Variants in DHTKD1 observed in about 807,000 individuals in gnomAD.
The protein encoded by DHTKD1 is dehydrogenase E1 and transketolase domain containing 1.
Under a neutral mutation model 101.8 loss-of-function variants are expected in DHTKD1, and 78 were observed. The observed-to-expected ratio is 0.77, with a 90% CI of 0.64 to 0.93. The LOEUF is 0.93. Ranked by LOEUF, DHTKD1 falls within the 40% of genes least tolerant of loss-of-function variation. The pLI is 0.00. For synonymous variants in DHTKD1, 462 were observed against 450.3 expected, an observed-to-expected ratio of 1.03 and a Z score of -0.33; for missense variants, 1,223 against 1,161.7, an observed-to-expected ratio of 1.05 and a Z score of -0.77.
chr10:12,085,872 C>A (rs1283024022), intron 3 of DHTKD1, among the ~76,000 whole-genome samples: 1 of 152,136 alleles, frequency 6.6e-6, no homozygotes, highest in African/African-American at 2.4e-5. Context: ...GATTGCACCA[C>A]TGTACTCCAG....
chr10:12,119,678 T>C (rs6602562), intron 15 of DHTKD1, among the ~76,000 whole-genome samples: 141,327 of 150,368 alleles, frequency 0.94, 66,958 homozygotes, highest in East Asian at 1. Flanking sequence ...CCGAGGGTCA[T>C]GGGGGAGGAG....
intron 3 of DHTKD1, among the ~76,000 whole-genome samples, chr10:12,086,101 T>G (rs1311054746): frequency 6.6e-6 from 1 of 151,456 alleles, no homozygotes; most frequent in African/African-American, 2.4e-5. Context: ...ATCTCCTGAC[T>G]TCATGATCCA....
intron 5 of DHTKD1, among the ~76,000 whole-genome samples, chr10:12,091,295 C>T (rs545067977): frequency 3.3e-4 from 50 of 149,726 alleles, no homozygotes; most frequent in Middle Eastern, 3.4e-3. Flanking sequence ...GCCTATAATC[C>T]CAGCTACTAG....
chr10:12,118,456 C>T (rs1277779980), intron 14 of DHTKD1, among the ~76,000 whole-genome samples: 4 of 149,736 alleles, frequency 2.7e-5, no homozygotes, highest in Non-Finnish European at 5.9e-5. Flanking sequence ...GATCTTGGCT[C>T]ACTGCAAGCT....
chr10:12,090,913 T>C (rs959483275), intron 5 of DHTKD1, among the ~76,000 whole-genome samples: 2 of 152,048 alleles, frequency 1.3e-5, no homozygotes, highest in African/African-American at 4.8e-5. Context: ...GATCTTAAGA[T>C]TGTGGTGGCG....
chr10:12,073,736 A>G (rs140316388), intron 1 of DHTKD1, among the ~76,000 whole-genome samples: 1 of 152,308 alleles, frequency 6.6e-6, no homozygotes. Context: ...GACTGGAGTA[A>G]TGCGTGCATC....
Position 12,107,054 on chromosome 10 carries a change from G to A in DHTKD1, c.2047+658G>A, listed in dbSNP as rs965141489. ...GGCTGGAGTGCAGTGGTGCGATCTCGGCTCACTGCAAGCTCCGCCTACTGG... is the reference window on the plus strand; with the variant it reads ...GGCTGGAGTGCAGTGGTGCGATCTCAGCTCACTGCAAGCTCCGCCTACTGG... On this transcript the variant is annotated intron_variant, in intron 11 of 16. Transcript: ENST00000263035. This position sits in a 1 kb window ranked among gnomAD's most constrained non-coding sequence, Gnocchi z 4.1. 2.7e-5 allele frequency among the ~76,000 whole-genome samples: 4 copies of A among 150,636 alleles called. No individual in the cohort carries two copies. The highest frequency in any genetic ancestry group is 2.0e-4 in the Admixed American group (3 of 15,014).
Position 12,107,657 on chromosome 10 carries a change from A to C in DHTKD1, c.2048-252A>C, listed in dbSNP as rs1414980851. Among the ~76,000 whole-genome samples the C allele has an allele frequency of 6.6e-6, 1 of 151,806 alleles. No homozygotes were observed. Among genetic ancestry groups the C allele is most frequent in the African/African-American group, 2.4e-5 (1 of 41,302 alleles). On this transcript the variant is annotated intron_variant, in intron 11 of 16. Transcript: ENST00000263035. This position sits in a 1 kb window ranked among gnomAD's most constrained non-coding sequence, Gnocchi z 4.1. ...GGTCTCGAACACCTGACCTCAAGTG[A>C]TCTATCCGCCTCAGCCTCCCAAAGT...
In DHTKD1 at chr10:12,107,568, C is replaced by T. The variant is rs1029625150; in HGVS notation, c.2048-341C>T. Among the ~76,000 whole-genome samples the T allele has an allele frequency of 6.6e-6, 1 of 152,006 alleles. No individual in the cohort carries two copies. Among genetic ancestry groups the T allele is most frequent in the African/African-American group, 2.4e-5 (1 of 41,396 alleles). Reference sequence around the variant, plus strand: ...GAGTAGCTGGGACTACAGACATGTGCCACTACAGCTGGCTAATTTTTGTAT... The same window carrying T: ...GAGTAGCTGGGACTACAGACATGTGTCACTACAGCTGGCTAATTTTTGTAT... On this transcript the variant is annotated intron_variant, in intron 11 of 16. Coordinates refer to ENST00000263035, the MANE Select transcript of DHTKD1 (RefSeq NM_018706.7). The surrounding 1 kb of genome is among the most constrained non-coding windows in gnomAD (Gnocchi z 4.1).
intron 3 of DHTKD1, among the ~76,000 whole-genome samples, chr10:12,085,353 A>G (rs943333692): frequency 1.3e-5 from 2 of 152,188 alleles, no homozygotes; most frequent in African/African-American, 4.8e-5. Flanking sequence ...GAATTGAGCC[A>G]TTAACTCTGA....
At chr10:12,118,385 CTT>C (rs56119960) in intron 14 of DHTKD1, among the ~76,000 whole-genome samples, 6 of 137,498 alleles carry the variant, frequency 4.4e-5, no homozygotes, top group Admixed American at 7.5e-5. Context: ...ACATAATTCT[CTT>C]TTTTTTTTTT....
At chr10:12,117,021 C>T (rs1051993565) in intron 13 of DHTKD1, among the ~76,000 whole-genome samples, 30 of 149,872 alleles carry the variant, frequency 2.0e-4, no homozygotes, top group South Asian at 1.3e-3. Context: ...TGTTTTGTTT[C>T]GGATGAGGTC....
At chr10:12,080,167 G>A (rs1463871513) in intron 1 of DHTKD1, among the ~76,000 whole-genome samples, 2 of 151,420 alleles carry the variant, frequency 1.3e-5, no homozygotes, top group East Asian at 4.0e-4. Context: ...GTGGGCGCCT[G>A]TAGGCGCCTG....
rs1832928565 is a variant in DHTKD1 at position 12,087,825 on chromosome 10, G to A, written c.717+96G>A. 3 of 1,150,896 alleles carry A rather than the reference G, an allele frequency of 2.6e-6. No homozygotes were observed. The highest frequency in any genetic ancestry group is 2.4e-6 in the Non-Finnish European group (2 of 840,108). The allele number at this position is 1,150,896 out of a possible 1,614,324, so 71.3% of individuals were successfully genotyped here. On this transcript the variant is annotated intron_variant, in intron 4 of 16. Coordinates refer to ENST00000263035, the MANE Select transcript of DHTKD1 (RefSeq NM_018706.7). The surrounding 1 kb of genome is among the most constrained non-coding windows in gnomAD (Gnocchi z 5.2). ...ATTCTGGTGATAAATGATGGTGATG[G>A]TGATGGCCGGGCACTGTGGCTCACA...
chr10:12,080,721 AAAG>A (rs1313246391), intron 1 of DHTKD1, among the ~76,000 whole-genome samples: 10 of 151,792 alleles, frequency 6.6e-5, no homozygotes, highest in Non-Finnish European at 1.3e-4. Flanking sequence ...AAAAAAAAAA[AAAG>A]AAAAGAAGAA....
At chr10:12,097,493 C>T (rs922848982) in intron 7 of DHTKD1, among the ~76,000 whole-genome samples, 191 bp from the exon 8 acceptor site, 4 of 152,048 alleles carry the variant, frequency 2.6e-5, no homozygotes, top group African/African-American at 4.8e-5. Context: ...AGGCTGGTCC[C>T]GAACTCCTGA....
chr10:12,109,928 A>C (rs1436332330), intron 12 of DHTKD1, among the ~76,000 whole-genome samples: 1 of 152,146 alleles, frequency 6.6e-6, no homozygotes, highest in Non-Finnish European at 1.5e-5. Context: ...TCTGTCTGGG[A>C]CATATTAAGG....
intron 1 of DHTKD1, among the ~76,000 whole-genome samples, chr10:12,072,464 TAAATAAATAAATAAATAAATAAA>T (rs1385574451): frequency 1.8e-4 from 1 of 5,474 alleles, no homozygotes; most frequent in East Asian, 0.071. Context: ...TCTGTCTCAA[TAAATAAATAAATAAATAAATAAA>T]TAAATAAATA....
rs919665637 is a variant in DHTKD1 at position 12,069,022 on chromosome 10, C to G, written c.-12C>G. 4 of 1,612,926 alleles carry G rather than the reference C, an allele frequency of 2.5e-6. No homozygotes were observed. Among genetic ancestry groups the G allele is most frequent in the Non-Finnish European group, 2.5e-6 (3 of 1,179,596 alleles). The stretch of plus-strand genomic sequence containing the variant: ...TCCCGCCTTAGCATGCTGGCCGGGA[C>G]ATCTGGTGAACATGGCCTCTGCTAC... On this transcript the variant is annotated 5_prime_UTR_variant, in exon 1 of 17. Transcript: ENST00000263035.
Sources: gnomAD v4.1 joint callset for allele counts (sites outside exome capture counted in the v4.1 genomes callset) on GRCh38, gnomAD v4.1.1 for gene constraint, Gnocchi (gnomAD v3.1) non-coding constraint, MANE v1.5 for transcripts, NCBI Gene and HGNC (gene_info 2026-07-23, HGNC 2026-07-21) for gene names.